The following ATP6V0E1 variants were observed in gnomAD, a reference collection of about 807,000 sequenced individuals.
The protein encoded by ATP6V0E1 is V-type proton ATPase subunit e 1.
In ATP6V0E1, 4 loss-of-function variants were observed where a neutral mutation model predicts 11.6. The ratio of observed to expected loss-of-function variants is 0.35; its 90% CI spans 0.17 to 0.79. The LOEUF (loss-of-function observed/expected upper bound fraction) is 0.79. Ranked by LOEUF, ATP6V0E1 falls within the 30% of genes least tolerant of loss-of-function variation. The probability of loss-of-function intolerance (pLI) is 0.54; values close to 1 mark genes in which losing one functional copy is unlikely to be tolerated. For synonymous variants in ATP6V0E1, 36 were observed against 34.8 expected (o/e 1.04, Z -0.13); for missense variants, 105 against 100.0 (o/e 1.05, Z -0.21).
At chr5:172,989,825 G>T (rs1369008930) in intron 1 of ATP6V0E1, among the ~76,000 whole-genome samples, 6 of 151,972 alleles carry the variant, frequency 3.9e-5, no homozygotes, top group Non-Finnish European at 8.8e-5. Context: ...ACCATGCCCA[G>T]CCGAAGATTT....
chr5:173,020,411 CAG>C, intron 3 of ATP6V0E1, 44 bp downstream of exon 3: 1 of 1,221,662 alleles, frequency 8.2e-7, no homozygotes, highest in South Asian at 1.3e-5. Context: ...GTCAGGCAGT[CAG>C]AGTTTGCCTT....
intron 2 of ATP6V0E1, among the ~76,000 whole-genome samples, chr5:173,010,351 C>G (rs1480765248): frequency 6.6e-6 from 1 of 152,114 alleles, no homozygotes; most frequent in East Asian, 1.9e-4. Flanking sequence ...AAGAAATAAC[C>G]AGTGTTTATT....
chr5:173,009,974 C>T (rs1047535346), intron 2 of ATP6V0E1, among the ~76,000 whole-genome samples: 12 of 150,954 alleles, frequency 7.9e-5, no homozygotes, highest in African/African-American at 2.9e-4. Flanking sequence ...ATGTTGGTCA[C>T]GCTGGTCTCA....
chr5:173,008,945 G>C (rs1265455179), intron 2 of ATP6V0E1, among the ~76,000 whole-genome samples: 1 of 149,914 alleles, frequency 6.7e-6, no homozygotes, highest in Non-Finnish European at 1.5e-5. Flanking sequence ...CTCAACTGAG[G>C]GCTGGGTGGG....
chr5:173,030,927 A>G (rs1756639920), intron 3 of ATP6V0E1, among the ~76,000 whole-genome samples: 8 of 131,404 alleles, frequency 6.1e-5, no homozygotes, highest in Admixed American at 5.9e-4. Flanking sequence ...TTTTGTATTT[A>G]TTTATTTATT....
chr5:173,034,481 G>C lies in ATP6V0E1; in HGVS notation c.*119G>C, dbSNP rs746289669. 3.0e-5 allele frequency: 21 copies of C among 702,264 alleles called. No homozygotes were observed. The highest frequency in any genetic ancestry group is 5.2e-5 in the Non-Finnish European group (20 of 384,526). The allele number at this position is 702,264 out of a possible 1,614,324, so 43.5% of individuals were successfully genotyped here. A position where few individuals can be genotyped will look rare whatever the true frequency, so the allele number is the denominator to read the frequency against. ...CTTGACTTGCCTGTTTTGGCCATTA[G>C]CTGCCTTAAACGTTAACAGCACATT... On this transcript the variant is annotated 3_prime_UTR_variant, in exon 4 of 4. Transcript: ENST00000519374.
At chr5:173,024,442 A>G (rs981628575) in intron 3 of ATP6V0E1, among the ~76,000 whole-genome samples, 5 of 151,850 alleles carry the variant, frequency 3.3e-5, no homozygotes, top group Admixed American at 6.6e-5. Flanking sequence ...GATGGCTTCT[A>G]TGTACTTTTG....
intron 2 of ATP6V0E1, among the ~76,000 whole-genome samples, chr5:173,004,995 T>G (rs1756208374): frequency 6.6e-6 from 1 of 152,224 alleles, no homozygotes; most frequent in Admixed American, 6.5e-5. Flanking sequence ...TTGCCTCTTC[T>G]GTTCATTGAT....
intron 2 of ATP6V0E1, among the ~76,000 whole-genome samples, chr5:173,012,038 A>ATTT (rs34022628): frequency 7.6e-4 from 105 of 138,794 alleles, no homozygotes; most frequent in African/African-American, 1.6e-3. Context: ...TCCTAGGTAA[A>ATTT]TTTTTTTTTT....
intron 2 of ATP6V0E1, among the ~76,000 whole-genome samples, chr5:173,014,273 G>A (rs1241030829): frequency 6.6e-6 from 1 of 151,900 alleles, no homozygotes; most frequent in African/African-American, 2.4e-5. Context: ...AAAATGGTAT[G>A]GAGTATAGAA....
At chr5:172,999,085 G>A (rs976872189) in intron 2 of ATP6V0E1, among the ~76,000 whole-genome samples, 13 of 152,034 alleles carry the variant, frequency 8.6e-5, no homozygotes, top group East Asian at 3.9e-4. Context: ...GCAGTGAGCC[G>A]AGATTGTGCC....
chr5:172,985,896 G>T (rs1238207102), intron 1 of ATP6V0E1, among the ~76,000 whole-genome samples: 1 of 152,238 alleles, frequency 6.6e-6, no homozygotes, highest in Admixed American at 6.5e-5. Flanking sequence ...AGATGGTACA[G>T]CCTACTACAC....
At chr5:173,018,552 A>G (rs559244440) in intron 2 of ATP6V0E1, among the ~76,000 whole-genome samples, 4 of 152,162 alleles carry the variant, frequency 2.6e-5, no homozygotes, top group Non-Finnish European at 5.9e-5. Flanking sequence ...GGCAGTGTGT[A>G]TTCTGCTTCA....
Position 172,993,798 on chromosome 5 carries a change from G to T in ATP6V0E1, c.105-977G>T, listed in dbSNP as rs143725874. 4.9e-3 allele frequency among the ~76,000 whole-genome samples: 748 copies of T among 151,838 alleles called. 8 individuals are homozygous for T. Among genetic ancestry groups the T allele is most frequent in the African/African-American group, 0.017 (711 of 41,384 alleles). ...AGGCAGAAGGATCAGTTGAGCCGAG[G>T]AGTTGGAGGTTACAGGGAGCTATGA... On this transcript the variant is annotated intron_variant, in intron 1 of 3. Coordinates refer to ENST00000519374, the MANE Select transcript of ATP6V0E1 (RefSeq NM_003945.4).
chr5:173,011,851 C>T (rs952992262), intron 2 of ATP6V0E1, among the ~76,000 whole-genome samples: 1 of 152,108 alleles, frequency 6.6e-6, no homozygotes, highest in African/African-American at 2.4e-5. Context: ...ATGATCTCTT[C>T]CTCCACCCAC....
At chr5:172,998,606 T>C in intron 2 of ATP6V0E1, among the ~76,000 whole-genome samples, 1 of 117,832 alleles carries the variant, frequency 8.5e-6, no homozygotes, top group African/African-American at 4.1e-5. Context: ...TGAGACTCCA[T>C]CTTAAAAAAA....
intron 2 of ATP6V0E1, 51 bp from the exon 3 acceptor site, chr5:173,020,187 G>T (rs764056234): frequency 1.4e-6 from 2 of 1,463,390 alleles, no homozygotes; most frequent in South Asian, 2.3e-5. Flanking sequence ...AAATGGTCAT[G>T]TTCCAACATG....
intron 3 of ATP6V0E1, among the ~76,000 whole-genome samples, chr5:173,024,737 AG>A (rs1404302799): frequency 6.6e-6 from 1 of 152,180 alleles, no homozygotes; most frequent in Non-Finnish European, 1.5e-5. Flanking sequence ...GGAAAGAACC[AG>A]GAAGTAATGT....
intron 2 of ATP6V0E1, among the ~76,000 whole-genome samples, chr5:173,009,717 G>A (rs1447213545): frequency 1.3e-5 from 2 of 150,434 alleles, no homozygotes; most frequent in Non-Finnish European, 3.0e-5. Context: ...ACCCACCTTG[G>A]CCTCCCAAAG....
Sources: allele counts gnomAD v4.1 joint callset (sites outside exome capture counted in the v4.1 genomes callset), GRCh38; gene constraint gnomAD v4.1.1; transcripts MANE v1.5; gene names NCBI Gene and HGNC (gene_info 2026-07-23, HGNC 2026-07-21).